VCP: variants seen among roughly 807,000 people sequenced by gnomAD.
The protein encoded by VCP is valosin containing protein.
Under a neutral mutation model 85.7 loss-of-function variants are expected in VCP, and 6 were observed. That is an observed-to-expected ratio of 0.07 (90% CI 0.04 to 0.14). VCP has a LOEUF of 0.14. VCP is among the 10% of genes least tolerant of loss of function. The pLI, the probability that VCP is intolerant of heterozygous loss-of-function variation, is 1.00. For missense variants in VCP, 353 were observed against 1,043.4 expected, an observed-to-expected ratio of 0.34 and a Z score of 9.12; for synonymous variants, 384 against 367.1, an observed-to-expected ratio of 1.05 and a Z score of -0.53.
intron 1 of VCP, among the ~76,000 whole-genome samples, chr9:35,070,211 T>TCTGC (rs1332260717): frequency 1.3e-5 from 2 of 152,134 alleles, no homozygotes; most frequent in African/African-American, 4.8e-5. Flanking sequence ...ATTCCAAAAG[T>TCTGC]CTGCCACTCC....
chr9:35,064,065 T>C (rs1828780247), intron 6 of VCP, 89 bp downstream of exon 6: 3 of 1,597,328 alleles, frequency 1.9e-6, no homozygotes, highest in Admixed American at 3.3e-5. Context: ...ATGAAAGCCA[T>C]GCATGAAAAC....
In VCP at chr9:35,059,011, C is replaced by T; in HGVS notation, c.2160+53G>A. The T allele has an allele frequency of 1.9e-6, 3 of 1,609,990 alleles. No homozygotes were observed. The highest frequency in any genetic ancestry group is 2.5e-6 in the Non-Finnish European group (3 of 1,179,452). The stretch of plus-strand genomic sequence containing the variant: ...TCTCAACTCCAGGGCATGGTGGTGG[C>T]TGCTGCCTGGCTCTCCATGATTGGC... On this transcript the variant is annotated intron_variant, in intron 15 of 16. Transcript: ENST00000358901. This position sits in a 1 kb window ranked among gnomAD's most constrained non-coding sequence, Gnocchi z 4.9.
At chr9:35,065,832 A>G (rs1456918414) in intron 4 of VCP, among the ~76,000 whole-genome samples, 2 of 152,190 alleles carry the variant, frequency 1.3e-5, no homozygotes, top group South Asian at 2.1e-4. Flanking sequence ...AGACATATGA[A>G]TATGTGTGCA....
chr9:35,062,887 G>A (rs1490595232), intron 7 of VCP, 91 bp downstream of exon 7: 2 of 1,171,884 alleles, frequency 1.7e-6, no homozygotes, highest in African/African-American at 1.5e-5. Flanking sequence ...GAGGGCATGG[G>A]TGCAAAAAGG....
chr9:35,068,120 G>T, intron 2 of VCP, 57 bp from the exon 3 acceptor site: 1 of 1,612,408 alleles, frequency 6.2e-7, no homozygotes, highest in African/African-American at 1.3e-5. Flanking sequence ...GTAAGCAGCA[G>T]CCCTGGAGAT....
intron 13 of VCP, among the ~76,000 whole-genome samples, chr9:35,060,045 T>C (rs1828690996): frequency 6.6e-6 from 1 of 152,006 alleles, no homozygotes; most frequent in South Asian, 2.1e-4. Context: ...AGTAGGAGAA[T>C]TGCTTAAGCC....
rs1015076584 is a variant in VCP at position 35,070,183 on chromosome 9, C to A, written c.18-1821G>T. On this transcript the variant is annotated intron_variant, in intron 1 of 16. Transcript: ENST00000358901. ...TAGTTTCTAACGACAGTTTCCTCTGCTCAAATTTGCTTCCCCCATTCCAAA... is the reference window on the plus strand; with the variant it reads ...TAGTTTCTAACGACAGTTTCCTCTGATCAAATTTGCTTCCCCCATTCCAAA... 3.3e-5 allele frequency among the ~76,000 whole-genome samples: 5 copies of A among 152,318 alleles called. No homozygotes were observed. In the East Asian group the frequency reaches 9.7e-4, roughly 29 times the overall value.
Position 35,072,534 on chromosome 9 carries a change from C to G in VCP, c.-181G>C. 2 of 729,858 alleles carry G rather than the reference C, an allele frequency of 2.7e-6. No homozygotes were observed. Among genetic ancestry groups the G allele is most frequent in the Non-Finnish European group, 4.0e-6 (2 of 498,630 alleles). 45.2% of individuals were successfully genotyped at this position (729,858 alleles called of 1,614,324 possible). ...CGGCAGCGAGGCGTCGGGCGAACAA[C>G]GCTGGCTCCTGATCCGCGAGGTGGC... On this transcript the variant is annotated 5_prime_UTR_variant, in exon 1 of 17. Transcript: ENST00000358901.
intron 3 of VCP, among the ~76,000 whole-genome samples, chr9:35,067,401 T>G (rs981494433): frequency 6.6e-6 from 1 of 152,106 alleles, no homozygotes; most frequent in African/African-American, 2.4e-5. Context: ...CATTGAGAGC[T>G]ATCCCAGGTC....
chr9:35,059,729 T>C lies in VCP; in HGVS notation c.1768A>G (p.Ile590Val), dbSNP rs1255802734. 3.1e-6 allele frequency: 5 copies of C among 1,614,068 alleles called. No homozygotes were observed. Among genetic ancestry groups the C allele is most frequent in the East Asian group, 4.5e-5 (2 of 44,878 alleles). ...DSIAKARGGN[I>V]GDGGGAADRV... ...TCAGCAGCCCCACCACCATCTCCAA[T>C]GTTACCTCCACGAGCCTTGGCAATC... Residue 590 changes from isoleucine (I) to valine (V), a missense_variant, in exon 14 of 17, where the codon ATT (isoleucine) becomes GTT (valine). This residue lies in a region of VCP where 30 missense variants were observed against 192.3 expected (regional missense o/e 0.16). Coordinates refer to ENST00000358901, the MANE Select transcript of VCP (RefSeq NM_007126.5). The surrounding 1 kb of genome is among the most constrained non-coding windows in gnomAD (Gnocchi z 4.9).
At chr9:35,066,548 A>T in intron 4 of VCP, 127 bp downstream of exon 4, 1 of 1,378,446 alleles carries the variant, frequency 7.3e-7, no homozygotes, top group Non-Finnish European at 9.8e-7. Context: ...TTAAAAAATG[A>T]ATAAATAAAT....
At chr9:35,058,722 G>A (rs1176721993) in intron 15 of VCP, among the ~76,000 whole-genome samples, 2 of 152,124 alleles carry the variant, frequency 1.3e-5, no homozygotes, top group South Asian at 2.1e-4. Context: ...AGCCAAGATC[G>A]TGCCACTGCA....
intron 5 of VCP, 104 bp downstream of exon 5, chr9:35,065,147 T>C: frequency 1.9e-6 from 3 of 1,550,538 alleles, no homozygotes; most frequent in Non-Finnish European, 2.6e-6. Flanking sequence ...GGATTACAGG[T>C]GTCAGCCACC....
At position 35,057,072 on chromosome 9, in the gene VCP, AC is replaced by A. The variant is rs753415004; in HGVS notation, c.*44del. 2 of 1,602,366 alleles carry A rather than the reference AC, an allele frequency of 1.2e-6. No individual in the cohort carries two copies. Among genetic ancestry groups the A allele is most frequent in the Non-Finnish European group, 1.7e-6 (2 of 1,170,584 alleles). ...GGGCAAGCGCCCCCACCCCCAGGGA[AC>A]AAGGTCCAGGCAGGCCAGCTCACTG... On this transcript the variant is annotated 3_prime_UTR_variant, in exon 17 of 17. Transcript: ENST00000358901.
At chr9:35,066,137 A>ATC (rs1201511213) in intron 4 of VCP, among the ~76,000 whole-genome samples, 5 of 151,812 alleles carry the variant, frequency 3.3e-5, no homozygotes, top group African/African-American at 9.7e-5. Context: ...AAAAAAAAAG[A>ATC]AAAGAAAATG....
Position 35,059,390 on chromosome 9 carries a change from A to T in VCP, c.2004+103T>A. Reference sequence around the variant, plus strand: ...CTCAAAAATTCTACCTTCCCTTTAGACCAACCCTAACCCCAGTGGAATCTT... The same window carrying T: ...CTCAAAAATTCTACCTTCCCTTTAGTCCAACCCTAACCCCAGTGGAATCTT... On this transcript the variant is annotated intron_variant, in intron 14 of 16. Transcript: ENST00000358901. The surrounding 1 kb of genome is among the most constrained non-coding windows in gnomAD (Gnocchi z 4.9). The T allele has an allele frequency of 2.6e-6, 4 of 1,542,430 alleles. No homozygotes were observed. Among genetic ancestry groups the T allele is most frequent in the Non-Finnish European group, 1.8e-6 (2 of 1,134,922 alleles).
At chr9:35,068,400 C>T (rs772202013) in intron 1 of VCP, 38 bp from the exon 2 acceptor site, 1 of 1,553,952 alleles carries the variant, frequency 6.4e-7, no homozygotes, top group Non-Finnish European at 8.9e-7. Flanking sequence ...TACTCCTGCC[C>T]CAAGCGCCTC....
intron 11 of VCP, 36 bp downstream of exon 11, chr9:35,060,979 G>C (rs764251946): frequency 6.2e-7 from 1 of 1,614,054 alleles, no homozygotes. Context: ...GTCAAAGCAC[G>C]TATGTGTGTA....
Position 35,059,233 on chromosome 9 carries a change from C to G in VCP, c.2005-14G>C, listed in dbSNP as rs947139359. On this transcript the variant is annotated splice_polypyrimidine_tract_variant and intron_variant, in intron 14 of 16. Transcript: ENST00000358901. This position sits in a 1 kb window ranked among gnomAD's most constrained non-coding sequence, Gnocchi z 4.9. ...CAAGTCCACATCCTAAAAGCAGCAG[C>G]AGAGGTACCTTAGCATTTAGCCTCT... 6.2e-7 allele frequency: 1 copy of G among 1,614,056 alleles called. No individual in the cohort carries two copies. The highest frequency in any genetic ancestry group is 8.5e-7 in the Non-Finnish European group (1 of 1,180,048).
Sources: gnomAD v4.1 joint callset for allele counts (sites outside exome capture counted in the v4.1 genomes callset) on GRCh38, gnomAD v4.1.1 for gene constraint, gnomAD v4.1.1 regional missense constraint, Gnocchi (gnomAD v3.1) non-coding constraint, MANE v1.5 for transcripts, NCBI Gene and HGNC (gene_info 2026-07-23, HGNC 2026-07-21) for gene names.